PCDHB13: variants seen among roughly 807,000 people sequenced by gnomAD.
The protein encoded by PCDHB13 is protocadherin beta 13.
For synonymous variants in PCDHB13, 515 were observed against 450.7 expected (o/e 1.14, Z -1.81); for missense variants, 1,065 against 1,016.7 (o/e 1.05, Z -0.65).
Position 141,214,066 on chromosome 5 carries a change from T to C in PCDHB13, c.-58T>C. The stretch of plus-strand genomic sequence containing the variant: ...GTAGAATAACCACAGCCTCAGATAC[T>C]GGGGACTTTACAGTCCCACAGAACC... On this transcript the variant is annotated 5_prime_UTR_variant, in exon 1 of 1. Coordinates refer to ENST00000341948, the MANE Select transcript of PCDHB13 (RefSeq NM_018933.4). 1.1e-5 allele frequency: 17 copies of C among 1,607,048 alleles called. No homozygotes were observed. The highest frequency in any genetic ancestry group is 1.4e-5 in the Non-Finnish European group (17 of 1,174,054).
rs1554288023 is a variant in PCDHB13, at chr5:141,215,784, C to T, written c.1661C>T (p.Ala554Val). The T allele has an allele frequency of 6.2e-7, 1 of 1,611,712 alleles. No individual in the cohort carries two copies. The highest frequency in any genetic ancestry group is 1.7e-5 in the Admixed American group (1 of 59,996). ...CTGGTGCGCGTGGTGGTGCTGGACG[C>T]CAACGACAACTCGCCCTTCGTGCTG... Reference protein sequence around the residue: ...EALVRVVVLDANDNSPFVLYP... With the variant: ...EALVRVVVLDVNDNSPFVLYP... Residue 554 changes from alanine (A) to valine (V), a missense_variant, in exon 1 of 1, where the codon GCC becomes GTC. By Grantham distance (64) the Ala-to-Val change is moderately conservative. Transcript: ENST00000341948.
Position 141,216,034 on chromosome 5 carries a change from G to A in PCDHB13, c.1911G>A (p.Lys637=), listed in dbSNP as rs1754598301. ...ARLLSERDAA[K]HRLVVLVKDN... Reference sequence around the variant, plus strand: ...TGCTGAGCGAGCGCGACGCGGCCAAGCACAGGCTGGTGGTGCTGGTCAAGG... The same window carrying A: ...TGCTGAGCGAGCGCGACGCGGCCAAACACAGGCTGGTGGTGCTGGTCAAGG... Residue 637 remains lysine, a synonymous_variant, in exon 1 of 1, where the codon AAG becomes AAA. Coordinates refer to ENST00000341948, the MANE Select transcript of PCDHB13 (RefSeq NM_018933.4). 1 of 1,606,840 alleles carries A rather than the reference G, an allele frequency of 6.2e-7. No homozygotes were observed. The highest frequency in any genetic ancestry group is 8.5e-7 in the Non-Finnish European group (1 of 1,179,536).
chr5:141,215,894 G>C lies in PCDHB13; in HGVS notation c.1771G>C (p.Ala591Pro). The C allele has an allele frequency of 6.2e-7, 1 of 1,606,298 alleles. No homozygotes were observed. The highest frequency in any genetic ancestry group is 8.5e-7 in the Non-Finnish European group (1 of 1,178,538). ...EPGYLVTKVV[A>P]VDGDSGQNAW... Reference sequence around the variant, plus strand: ...GGGCTACCTGGTGACCAAGGTGGTGGCGGTGGACGGCGACTCGGGCCAGAA... The same window carrying C: ...GGGCTACCTGGTGACCAAGGTGGTGCCGGTGGACGGCGACTCGGGCCAGAA... Residue 591 changes from alanine (A) to proline (P), a missense_variant, in exon 1 of 1, where the codon GCG becomes CCG. By Grantham distance (27) the Ala-to-Pro change is conservative. Transcript: ENST00000341948.
In PCDHB13 at chr5:141,215,417, A is replaced by G. The variant is rs782036542; in HGVS notation, c.1294A>G (p.Ile432Val). The G allele has an allele frequency of 4.3e-6, 7 of 1,614,182 alleles. No homozygotes were observed. Among genetic ancestry groups the G allele is most frequent in the Non-Finnish European group, 5.9e-6 (7 of 1,180,034 alleles). Residue 432 changes from isoleucine (I) to valine (V), a missense_variant, in exon 1 of 1, where the codon ATA becomes GTA. Transcript: ENST00000341948. ...TVTDLGTPML[I>V]TQLNMTVLIA... ...CACTGACTTGGGGACCCCTATGCTG[A>G]TAACACAGCTCAATATGACCGTGCT... is the stretch of plus-strand genomic sequence containing the variant.
At position 141,217,638 on chromosome 5, in the gene PCDHB13, T is replaced by A. The variant is rs782782753; in HGVS notation, c.*1118T>A. 6 of 167,070 alleles carry A rather than the reference T, an allele frequency of 3.6e-5. No individual in the cohort carries two copies. The highest frequency in any genetic ancestry group is 2.1e-4 in the South Asian group (1 of 4,820). 10.3% of individuals were successfully genotyped at this position (167,070 alleles called of 1,614,324 possible). Reference sequence around the variant, plus strand: ...CCTTAGGGTTCTAATTTTAAAAAAATTTTCAAAGCATTGTAGGGGAGTAGC... The same window carrying A: ...CCTTAGGGTTCTAATTTTAAAAAAAATTTCAAAGCATTGTAGGGGAGTAGC... On this transcript the variant is annotated 3_prime_UTR_variant, in exon 1 of 1. Coordinates refer to ENST00000341948, the MANE Select transcript of PCDHB13 (RefSeq NM_018933.4).
rs782638800 is a variant in PCDHB13 at position 141,216,434 on chromosome 5, A to T, written c.2311A>T (p.Ile771Phe). ...TNEFKFLKPI[I>F]PNFPPQCPGK... ...TGAGTTCAAGTTCCTGAAGCCGATT[A>T]TCCCCAACTTCCCTCCCCAGTGCCC... The change falls in exon 1 of 1, where the codon ATC becomes TTC. Residue 771 changes from isoleucine (I) to phenylalanine (F), a missense_variant. Coordinates refer to ENST00000341948, the MANE Select transcript of PCDHB13 (RefSeq NM_018933.4). 2 of 1,614,130 alleles carry T rather than the reference A, an allele frequency of 1.2e-6. No homozygotes were observed. Among genetic ancestry groups the T allele is most frequent in the South Asian group, 2.2e-5 (2 of 91,088 alleles).
chr5:141,216,452 C>A lies in PCDHB13; in HGVS notation c.2329C>A (p.Gln777Lys). The A allele has an allele frequency of 6.2e-7, 1 of 1,614,168 alleles. No homozygotes were observed. Among genetic ancestry groups the A allele is most frequent in the East Asian group, 2.2e-5 (1 of 44,868 alleles). The change falls in exon 1 of 1, where the codon CAG becomes AAG. Residue 777 changes from glutamine (Q) to lysine (K), a missense_variant. By Grantham distance (53) the Gln-to-Lys change is moderately conservative. Coordinates refer to ENST00000341948, the MANE Select transcript of PCDHB13 (RefSeq NM_018933.4). Reference sequence around the variant, plus strand: ...GCCGATTATCCCCAACTTCCCTCCCCAGTGCCCTGGGAAAGAAATACAAGG... The same window carrying A: ...GCCGATTATCCCCAACTTCCCTCCCAAGTGCCCTGGGAAAGAAATACAAGG... ...LKPIIPNFPP[Q>K]CPGKEIQGNS...
chr5:141,214,986 A>T lies in PCDHB13; in HGVS notation c.863A>T (p.Glu288Val). ...TATTCACTTTTCCAAGCTTCAGAAG[A>T]GATTGGCAAAACCTTTAAGATCAAT... The part of the protein sequence containing the change: ...ISYSLFQASE[E>V]IGKTFKINPL... The change falls in exon 1 of 1, where the codon GAG (glutamate) becomes GTG (valine). Residue 288 changes from glutamate (E) to valine (V), a missense_variant. Physicochemically the swap from Glu to Val is moderately radical, Grantham distance 121. Coordinates refer to ENST00000341948, the MANE Select transcript of PCDHB13 (RefSeq NM_018933.4). The T allele has an allele frequency of 6.2e-7, 1 of 1,614,204 alleles. No individual in the cohort carries two copies. The highest frequency in any genetic ancestry group is 8.5e-7 in the Non-Finnish European group (1 of 1,180,040).
Position 141,216,087 on chromosome 5 carries a change from C to G in PCDHB13, c.1964C>G (p.Thr655Ser). 1.2e-6 allele frequency: 2 copies of G among 1,607,030 alleles called. No individual in the cohort carries two copies. Among genetic ancestry groups the G allele is most frequent in the Non-Finnish European group, 8.5e-7 (1 of 1,179,576 alleles). ...AATGGCGAGCCTCCGCGCTCGGCCACCGCCACGCTGCACGTGCTCCTGGTG... is the reference window on the plus strand; with the variant it reads ...AATGGCGAGCCTCCGCGCTCGGCCAGCGCCACGCTGCACGTGCTCCTGGTG... ...KDNGEPPRSATATLHVLLVDG... is the reference protein window; with the variant it reads ...KDNGEPPRSASATLHVLLVDG... Residue 655 changes from threonine (T) to serine (S), a missense_variant, in exon 1 of 1, where the codon ACC becomes AGC. By Grantham distance (58) the Thr-to-Ser change is moderately conservative. Transcript: ENST00000341948.
Position 141,214,768 on chromosome 5 carries a change from A to G in PCDHB13, c.645A>G (p.Ala215=), listed in dbSNP as rs782587905. Residue 215 remains alanine, a synonymous_variant, in exon 1 of 1, where the codon GCA becomes GCG. Transcript: ENST00000341948. Reference sequence around the variant, plus strand: ...CTGAGCTCAGGTTAACACTCACAGCACTGGATGGTGGCTCTCCGCCCAGAT... The same window carrying G: ...CTGAGCTCAGGTTAACACTCACAGCGCTGGATGGTGGCTCTCCGCCCAGAT... ...EEAELRLTLT[A]LDGGSPPRSG... is the part of the protein sequence containing the mutation. 3 of 1,614,158 alleles carry G rather than the reference A, an allele frequency of 1.9e-6. No homozygotes were observed. Among genetic ancestry groups the G allele is most frequent in the Non-Finnish European group, 1.7e-6 (2 of 1,180,014 alleles).
In PCDHB13 at chr5:141,217,566, A is replaced by G. The variant is rs1237220890; in HGVS notation, c.*1046A>G. On this transcript the variant is annotated 3_prime_UTR_variant, in exon 1 of 1. Transcript: ENST00000341948. Reference sequence around the variant, plus strand: ...TTTGAAAACCACTTTTCTCAGACATATAAAAGCATACCAGATGTTGAACAT... The same window carrying G: ...TTTGAAAACCACTTTTCTCAGACATGTAAAAGCATACCAGATGTTGAACAT... 2 of 167,026 alleles carry G rather than the reference A, an allele frequency of 1.2e-5. No individual in the cohort carries two copies. The highest frequency in any genetic ancestry group is 1.5e-5 in the Non-Finnish European group (1 of 68,118). 10.3% of individuals were successfully genotyped at this position (167,026 alleles called of 1,614,324 possible). A position where few individuals can be genotyped will look rare whatever the true frequency, so the allele number is the denominator to read the frequency against.
Position 141,214,136 on chromosome 5 carries a change from G to A in PCDHB13, c.13G>A (p.Gly5Arg), listed in dbSNP as rs371150522. The A allele has an allele frequency of 2.5e-6, 4 of 1,613,944 alleles. No individual in the cohort carries two copies. The African/African-American group carries it at 4.0e-5, about 16-fold the overall frequency. ...TCCAGCAAGAACAATGGAGGCCAGC[G>A]GGAAGCTCATTTGCAGACAAAGGCA... MEAS[G>R]KLICRQRQVL... Residue 5 changes from glycine (G) to arginine (R), a missense_variant, in exon 1 of 1, where the codon GGG (glycine) becomes AGG (arginine). Gly to Arg is a moderately radical substitution (Grantham distance 125). Transcript: ENST00000341948.
rs1303399648 is a variant in PCDHB13 at position 141,217,815 on chromosome 5, A to C, written c.*1295A>C. ...AAAATGTAGAATAACAAAATGAGTA[A>C]AAGTATAGAGGCAAAACAAGCATGT... On this transcript the variant is annotated 3_prime_UTR_variant, in exon 1 of 1. Coordinates refer to ENST00000341948, the MANE Select transcript of PCDHB13 (RefSeq NM_018933.4). 6.0e-6 allele frequency: 1 copy of C among 167,144 alleles called. No individual in the cohort carries two copies. The highest frequency in any genetic ancestry group is 6.5e-5 in the Admixed American group (1 of 15,308). The allele number at this position is 167,144 out of a possible 1,614,324, so 10.4% of individuals were successfully genotyped here.
Position 141,218,174 on chromosome 5 carries a change from C to T in PCDHB13, c.*1654C>T, listed in dbSNP as rs1754656232. On this transcript the variant is annotated 3_prime_UTR_variant, in exon 1 of 1. Coordinates refer to ENST00000341948, the MANE Select transcript of PCDHB13 (RefSeq NM_018933.4). ...ATATTGCCCAGACTGGTCTCGAATT[C>T]CTGAGCTCAAGCAGTCTGCCTGCCT... The T allele has an allele frequency of 6.2e-6, 1 of 161,024 alleles. No homozygotes were observed. 10.0% of individuals were successfully genotyped at this position (161,024 alleles called of 1,614,324 possible). A position where few individuals can be genotyped will look rare whatever the true frequency, so the allele number is the denominator to read the frequency against.
In PCDHB13 at chr5:141,215,177, G is replaced by T; in HGVS notation, c.1054G>T (p.Ala352Ser). 6.2e-7 allele frequency: 1 copy of T among 1,614,144 alleles called. No individual in the cohort carries two copies. Among genetic ancestry groups the T allele is most frequent in the Non-Finnish European group, 8.5e-7 (1 of 1,180,028 alleles). ...CCATGCCCCAGAAGTTACCATGTCT[G>T]CATTTACCAGCCCAATACCTGAGAA... Reference protein sequence around the residue: ...NDHAPEVTMSAFTSPIPENAP... With the variant: ...NDHAPEVTMSSFTSPIPENAP... Residue 352 changes from alanine to serine, a missense_variant, in exon 1 of 1, where the codon GCA becomes TCA. Coordinates refer to ENST00000341948, the MANE Select transcript of PCDHB13 (RefSeq NM_018933.4).
rs538623255 is a variant in PCDHB13 at position 141,215,951 on chromosome 5, A to G, written c.1828A>G (p.Thr610Ala). The G allele has an allele frequency of 6.8e-6, 11 of 1,607,550 alleles. No individual in the cohort carries two copies. Among genetic ancestry groups the G allele is most frequent in the Non-Finnish European group, 9.3e-6 (11 of 1,179,456 alleles). Residue 610 changes from threonine to alanine, a missense_variant, in exon 1 of 1, where the codon ACG becomes GCG. By Grantham distance (58) the Thr-to-Ala change is moderately conservative. Transcript: ENST00000341948. The stretch of plus-strand genomic sequence containing the variant: ...GCTGTCGTACCAGCTGCTCAAGGCC[A>G]CGGAGCTCGGTCTGTTCGGCGTGTG... ...AWLSYQLLKATELGLFGVWAH... is the reference protein window; with the variant it reads ...AWLSYQLLKAAELGLFGVWAH...
chr5:141,214,614 G>A lies in PCDHB13; in HGVS notation c.491G>A (p.Gly164Asp). Residue 164 changes from glycine to aspartate, a missense_variant, in exon 1 of 1, where the codon GGC becomes GAC. By Grantham distance (94) the Gly-to-Asp change is moderately conservative (BLOSUM62 -1). Transcript: ENST00000341948. ...AAGAATGCCGAAGACTTAGATGTAG[G>A]CCAAAACAATATTGAGAACTATATA... ...PLKNAEDLDV[G>D]QNNIENYIIS... 1.2e-6 allele frequency: 2 copies of A among 1,614,184 alleles called. No individual in the cohort carries two copies. Among genetic ancestry groups the A allele is most frequent in the African/African-American group, 2.7e-5 (2 of 75,042 alleles).
In PCDHB13 at chr5:141,215,677, T is replaced by G. The variant is rs144959109; in HGVS notation, c.1554T>G (p.Ser518=). ...ADNGHLFALR[S]LDYEALQGFQ... is the part of the protein sequence containing the mutation. Reference sequence around the variant, plus strand: ...ACGGCCACCTGTTCGCCCTCAGGTCTCTGGACTACGAGGCCCTGCAGGGGT... The same window carrying G: ...ACGGCCACCTGTTCGCCCTCAGGTCGCTGGACTACGAGGCCCTGCAGGGGT... Residue 518 remains serine (S), a synonymous_variant, in exon 1 of 1, where the codon TCT becomes TCG. Transcript: ENST00000341948. 948 of 1,613,220 alleles carry G rather than the reference T, an allele frequency of 5.9e-4. 4 individuals carry two copies. The highest frequency in any genetic ancestry group is 3.0e-3 in the African/African-American group (222 of 75,048).
chr5:141,215,634 T>C lies in PCDHB13; in HGVS notation c.1511T>C (p.Val504Ala), dbSNP rs781915697. The change falls in exon 1 of 1, where the codon GTC becomes GCC. Residue 504 changes from valine (V) to alanine (A), a missense_variant. Coordinates refer to ENST00000341948, the MANE Select transcript of PCDHB13 (RefSeq NM_018933.4). The stretch of plus-strand genomic sequence containing the variant: ...CCGCACCTGCCCCTCACATCCCTGG[T>C]CTCCATCAACGCGGACAACGGCCAC... The part of the protein sequence containing the change: ...QDPHLPLTSL[V>A]SINADNGHLF... 1 of 1,613,396 alleles carries C rather than the reference T, an allele frequency of 6.2e-7. No individual in the cohort carries two copies. The highest frequency in any genetic ancestry group is 8.5e-7 in the Non-Finnish European group (1 of 1,180,010).
Sources: gnomAD v4.1 joint callset for allele counts on GRCh38, gnomAD v4.1.1 for gene constraint, MANE v1.5 for transcripts, NCBI Gene and HGNC (gene_info 2026-07-23, HGNC 2026-07-21) for gene names.